The following ATG10 variants were observed in gnomAD, a reference collection of about 807,000 sequenced individuals.
ATG10 encodes the protein autophagy related 10, also known as ubiquitin-like-conjugating enzyme ATG10.
Under a neutral mutation model 32.1 loss-of-function variants are expected in ATG10, and 30 were observed. The ratio of observed to expected loss-of-function variants is 0.94; its 90% CI spans 0.70 to 1.27. The LOEUF is 1.27. Ranked by LOEUF, ATG10 falls within the 50% of genes most tolerant of loss-of-function variation. The pLI, the probability that ATG10 is intolerant of heterozygous loss-of-function variation, is 0.00. For missense variants in ATG10, 233 were observed against 262.3 expected (o/e 0.89, Z 0.77); for synonymous variants, 87 against 91.5 (o/e 0.95, Z 0.28).
chr5:82,181,767 A>G (rs371547680), intron 5 of ATG10, among the ~76,000 whole-genome samples: 2 of 152,116 alleles, frequency 1.3e-5, no homozygotes, highest in East Asian at 3.9e-4. Flanking sequence ...TTGTGCTCAT[A>G]TAGTTTGTTG....
chr5:82,151,195 T>C (rs865872856), intron 3 of ATG10, among the ~76,000 whole-genome samples: 24 of 152,196 alleles, frequency 1.6e-4, no homozygotes, highest in Non-Finnish European at 7.3e-5. Context: ...TCTACTAATA[T>C]TTAACTTTTT....
At chr5:82,079,218 C>T (rs1397587835) in intron 3 of ATG10, among the ~76,000 whole-genome samples, 3 of 151,978 alleles carry the variant, frequency 2.0e-5, no homozygotes, top group Admixed American at 6.6e-5. Flanking sequence ...GAGATATACC[C>T]GAGACTAGGA....
At chr5:82,157,119 G>A (rs1481504310) in intron 3 of ATG10, among the ~76,000 whole-genome samples, 1 of 152,132 alleles carries the variant, frequency 6.6e-6, no homozygotes, top group Admixed American at 6.6e-5. Flanking sequence ...CTGGAGAAGA[G>A]GTTTTAATCC....
intron 2 of ATG10, among the ~76,000 whole-genome samples, chr5:82,007,366 T>C: frequency 6.6e-6 from 1 of 152,216 alleles, no homozygotes; most frequent in East Asian, 1.9e-4. Flanking sequence ...ACAAGAGTAG[T>C]TTTCACCATG....
chr5:82,139,576 G>A (rs1420055732), intron 3 of ATG10, among the ~76,000 whole-genome samples: 261 of 128,488 alleles, frequency 2.0e-3, no homozygotes, highest in African/African-American at 7.8e-3. Context: ...CGGCCGCCCC[G>A]TCTGAGAAGT....
At chr5:82,182,187 T>C (rs935881777) in intron 5 of ATG10, among the ~76,000 whole-genome samples, 2 of 152,158 alleles carry the variant, frequency 1.3e-5, no homozygotes, top group Admixed American at 6.6e-5. Flanking sequence ...TGTATAGTGG[T>C]CAGATAAGTA....
chr5:82,178,541 A>T lies in ATG10; in HGVS notation c.407A>T (p.Tyr136Phe), dbSNP rs772005960. 6.2e-7 allele frequency: 1 copy of T among 1,612,556 alleles called. No homozygotes were observed. The highest frequency in any genetic ancestry group is 2.2e-5 in the East Asian group (1 of 44,842). Residue 136 changes from tyrosine (Y) to phenylalanine (F), a missense_variant, in exon 5 of 8, where the codon TAT becomes TTT. Tyr to Phe is a conservative substitution (Grantham distance 22, BLOSUM62 3). Transcript: ENST00000282185. ...KDIWEGVHEC[Y>F]KMRLLQGPWD... The stretch of plus-strand genomic sequence containing the variant: ...ATATGGGAAGGAGTTCATGAGTGCT[A>T]TAAGATGCGACTGCTACAGGGACCA...
At chr5:81,972,337 T>C (rs10042509) in intron 1 of ATG10, 31 bp downstream of exon 1, 150,456 of 152,636 alleles carry the variant, frequency 0.99, 74,185 homozygotes, top group Middle Eastern at 1. Context: ...TTGCCGGTTG[T>C]CTCCTCCCGG....
At chr5:82,232,692 T>C (rs1746408692) in intron 5 of ATG10, among the ~76,000 whole-genome samples, 1 of 152,230 alleles carries the variant, frequency 6.6e-6, no homozygotes, top group African/African-American at 2.4e-5. Flanking sequence ...GTAGCTTTCA[T>C]GGTAGCTTCC....
At chr5:82,120,119 A>G (rs574561637) in intron 3 of ATG10, among the ~76,000 whole-genome samples, 1 of 152,200 alleles carries the variant, frequency 6.6e-6, no homozygotes, top group South Asian at 2.1e-4. Flanking sequence ...TTGTAAATAT[A>G]CTCTGTCAAT....
chr5:82,140,009 CT>C (rs1767013547), intron 3 of ATG10, among the ~76,000 whole-genome samples: 1 of 128,018 alleles, frequency 7.8e-6, no homozygotes, highest in Non-Finnish European at 1.7e-5. Flanking sequence ...CCGGCCGCCC[CT>C]ACTGGGAAGT....
intron 1 of ATG10, among the ~76,000 whole-genome samples, chr5:81,976,551 C>T (rs1041212474): frequency 5.3e-5 from 8 of 152,176 alleles, no homozygotes; most frequent in African/African-American, 1.7e-4. Flanking sequence ...CAGAAACCAT[C>T]AACTAACCTC....
At chr5:82,050,134 C>A (rs1239440773) in intron 2 of ATG10, among the ~76,000 whole-genome samples, 1 of 151,906 alleles carries the variant, frequency 6.6e-6, no homozygotes, top group Non-Finnish European at 1.5e-5. Context: ...ACTTTTCCAC[C>A]TAACATATCA....
At chr5:82,139,696 G>T (rs1285040713) in intron 3 of ATG10, among the ~76,000 whole-genome samples, 8 of 139,598 alleles carry the variant, frequency 5.7e-5, no homozygotes, top group Admixed American at 4.8e-4. Flanking sequence ...CAGCCACCCC[G>T]TCCGGGAGGG....
At chr5:81,974,847 A>ATAC (rs774259296) in intron 1 of ATG10, among the ~76,000 whole-genome samples, 49 of 152,244 alleles carry the variant, frequency 3.2e-4, no homozygotes, top group Non-Finnish European at 4.3e-4. Context: ...CCCTCAATCT[A>ATAC]TACTCTCCAT....
At chr5:82,142,006 C>G (rs573046265) in intron 3 of ATG10, among the ~76,000 whole-genome samples, 1 of 152,250 alleles carries the variant, frequency 6.6e-6, no homozygotes, top group South Asian at 2.1e-4. Context: ...CATTTTAATG[C>G]CTTGACTTAC....
intron 2 of ATG10, among the ~76,000 whole-genome samples, chr5:82,017,441 G>A (rs1762320631): frequency 6.6e-6 from 1 of 152,126 alleles, no homozygotes; most frequent in Admixed American, 6.6e-5. Flanking sequence ...TCAGTACTAT[G>A]TTAAATAGAA....
At chr5:82,115,722 A>G (rs1765785401) in intron 3 of ATG10, among the ~76,000 whole-genome samples, 1 of 152,064 alleles carries the variant, frequency 6.6e-6, no homozygotes, top group Admixed American at 6.6e-5. Flanking sequence ...TCCTTCTTGT[A>G]TGGTAAGGCC....
intron 1 of ATG10, among the ~76,000 whole-genome samples, chr5:81,977,214 T>C (rs1760896454): frequency 6.6e-6 from 1 of 152,330 alleles, no homozygotes; most frequent in African/African-American, 2.4e-5. Context: ...TTTTAGCACC[T>C]AGTAAATATT....
Sources: gnomAD v4.1 joint callset for allele counts (sites outside exome capture counted in the v4.1 genomes callset) on GRCh38, gnomAD v4.1.1 for gene constraint, MANE v1.5 for transcripts, NCBI Gene and HGNC (gene_info 2026-07-23, HGNC 2026-07-21) for gene names.